Variants in DGKD observed in about 807,000 individuals in gnomAD.
The protein encoded by DGKD is diacylglycerol kinase delta.
DGKD carries 68 observed loss-of-function variants against 154.4 expected under a neutral mutation model. The ratio of observed to expected loss-of-function variants is 0.44; its 90% CI spans 0.36 to 0.54. The LOEUF (loss-of-function observed/expected upper bound fraction) is 0.54. DGKD is among the 20% of genes least tolerant of loss of function. DGKD has a pLI of 0.00. For missense variants in DGKD, 1,343 were observed against 1,593.6 expected (o/e 0.84, Z 2.68); for synonymous variants, 693 against 638.0 (o/e 1.09, Z -1.30).
In DGKD at chr2:233,459,702, T is replaced by C. The variant is rs2063563103; in HGVS notation, c.2695-55T>C. ...GGTCATGGTGGTGCTGATAGCACTTTTAAACCCCTGGGGGTTTTGGCTCAG... is the reference window on the plus strand; with the variant it reads ...GGTCATGGTGGTGCTGATAGCACTTCTAAACCCCTGGGGGTTTTGGCTCAG... On this transcript the variant is annotated intron_variant, in intron 22 of 29. Transcript: ENST00000264057. The surrounding 1 kb of genome is among the most constrained non-coding windows in gnomAD (Gnocchi z 5.7). The C allele has an allele frequency of 1.9e-6, 3 of 1,588,862 alleles. No individual in the cohort carries two copies. The highest frequency in any genetic ancestry group is 1.1e-5 in the South Asian group (1 of 87,430).
At chr2:233,418,314 G>C (rs1374687069) in intron 3 of DGKD, among the ~76,000 whole-genome samples, 2 of 152,150 alleles carry the variant, frequency 1.3e-5, no homozygotes, top group African/African-American at 4.8e-5. Flanking sequence ...CTCTACATCT[G>C]GGGTGCCTTT....
chr2:233,377,479 T>A (rs1702640521), intron 1 of DGKD, among the ~76,000 whole-genome samples: 1 of 152,204 alleles, frequency 6.6e-6, no homozygotes, highest in African/African-American at 2.4e-5. Flanking sequence ...TCTTCCACAA[T>A]CCTTGTATAG....
rs573948248 is a variant in DGKD, at chr2:233,430,127, G to A, written c.349-4253G>A. ...AAGCAAGCATTTTCCTAACACTGTT[G>A]GTGAGAATGCAAAATGGTACAACCC... On this transcript the variant is annotated intron_variant, in intron 3 of 29. Coordinates refer to ENST00000264057, the MANE Select transcript of DGKD (RefSeq NM_152879.3). Among the ~76,000 whole-genome samples, 131 of 152,298 alleles carry A rather than the reference G, an allele frequency of 8.6e-4. 1 individual carries two copies. The highest frequency in any genetic ancestry group is 1.5e-3 in the Non-Finnish European group (103 of 68,026).
At position 233,457,578 on chromosome 2, in the gene DGKD, G is replaced by A. The variant is rs376686571; in HGVS notation, c.2580+250G>A. 1.1e-4 allele frequency: 68 copies of A among 613,286 alleles called. No homozygotes were observed. The East Asian group carries it at 1.7e-3, about 15-fold the overall frequency. 38.0% of individuals were successfully genotyped at this position (613,286 alleles called of 1,614,324 possible). ...AGCAGATGTGGTCAGCGGGTGTGAC[G>A]TGGAAGGAGGGTCAGGGAAGGTGTC... On this transcript the variant is annotated intron_variant, in intron 21 of 29. Transcript: ENST00000264057. This position sits in a 1 kb window ranked among gnomAD's most constrained non-coding sequence, Gnocchi z 5.5.
At chr2:233,357,682 A>G (rs922358468) in intron 1 of DGKD, among the ~76,000 whole-genome samples, 2 of 152,040 alleles carry the variant, frequency 1.3e-5, no homozygotes, top group South Asian at 4.2e-4. Flanking sequence ...GACTACAGGC[A>G]AATGCCACCA....
chr2:233,404,659 C>G (rs751882773), intron 3 of DGKD, among the ~76,000 whole-genome samples: 27 of 151,970 alleles, frequency 1.8e-4, no homozygotes, highest in African/African-American at 4.8e-4. Context: ...CCTCCAGAAT[C>G]TCTAGAGGAT....
intron 1 of DGKD, among the ~76,000 whole-genome samples, chr2:233,365,496 C>T (rs557196947): frequency 3.9e-5 from 6 of 152,248 alleles, no homozygotes; most frequent in Admixed American, 2.6e-4. Context: ...CCACCTGCCT[C>T]GGCCTCCTGA....
In DGKD at chr2:233,438,172, T is replaced by C. The variant is rs750498937; in HGVS notation, c.923-45T>C. 2.3e-5 allele frequency: 37 copies of C among 1,599,400 alleles called. No individual in the cohort carries two copies. Among genetic ancestry groups the C allele is most frequent in the Non-Finnish European group, 2.7e-5 (32 of 1,171,330 alleles). On this transcript the variant is annotated intron_variant, in intron 8 of 29. Coordinates refer to ENST00000264057, the MANE Select transcript of DGKD (RefSeq NM_152879.3). This position sits in a 1 kb window ranked among gnomAD's most constrained non-coding sequence, Gnocchi z 4.1. ...GATTCCATCAGTGGTGCCCTCAGCG[T>C]CTTCCGTGGCCTATATATTTTCTTC...
chr2:233,434,604 T>G, intron 4 of DGKD, 120 bp downstream of exon 4: 1 of 1,429,632 alleles, frequency 7.0e-7, no homozygotes, highest in South Asian at 1.2e-5. Context: ...CTTAGCATGT[T>G]CTTTATACAA....
At position 233,448,047 on chromosome 2, in the gene DGKD, C is replaced by T. The variant is rs1259234716; in HGVS notation, c.1420-40C>T. ...CTGGGACTGTCATGGAGCTTGCTGT[C>T]ACAGAGACCAACAGTCCTGGCCATT... On this transcript the variant is annotated intron_variant, in intron 12 of 29. Transcript: ENST00000264057. 4 of 1,612,238 alleles carry T rather than the reference C, an allele frequency of 2.5e-6. 1 individual carries two copies. The South Asian group carries it at 4.4e-5, about 18-fold the overall frequency.
Position 233,447,867 on chromosome 2 carries a change from A to G in DGKD, c.1420-220A>G, listed in dbSNP as rs558889858. ...GGAGATTCATTTGCAGTTTGCCTGC[A>G]GCTTGACGAAGCTTTTAAAATCTCT... On this transcript the variant is annotated intron_variant, in intron 12 of 29. Transcript: ENST00000264057. 5.1e-6 allele frequency: 7 copies of G among 1,382,806 alleles called. No individual in the cohort carries two copies. In the South Asian group the frequency reaches 6.2e-5, roughly 12 times the overall value. 85.7% of individuals were successfully genotyped at this position (1,382,806 alleles called of 1,614,324 possible). A position where few individuals can be genotyped will look rare whatever the true frequency, so the allele number is the denominator to read the frequency against.
chr2:233,386,283 G>T, intron 1 of DGKD: 1 of 285,330 alleles, frequency 3.5e-6, no homozygotes, highest in Non-Finnish European at 7.0e-6. Context: ...AACAGAGAAA[G>T]GGTCTCGTGG....
At chr2:233,386,297 A>T (rs1703175638) in intron 1 of DGKD, 2 of 274,944 alleles carry the variant, frequency 7.3e-6, no homozygotes, top group Middle Eastern at 1.4e-3. Context: ...CTCGTGGTAT[A>T]TGTTTCAGGC....
intron 3 of DGKD, among the ~76,000 whole-genome samples, chr2:233,428,864 G>A (rs934911212): frequency 5.4e-5 from 8 of 147,750 alleles, no homozygotes; most frequent in Admixed American, 1.3e-4. Flanking sequence ...GCACAAATAA[G>A]AGGTTTTTTT....
At chr2:233,462,287 A>G in intron 24 of DGKD, 61 bp from the exon 25 acceptor site, 1 of 1,385,804 alleles carries the variant, frequency 7.2e-7, no homozygotes, top group East Asian at 2.3e-5. Context: ...TCAGATGCGT[A>G]TTGTGAAAGG....
chr2:233,438,890 G>A lies in DGKD; in HGVS notation c.1085+511G>A, dbSNP rs1221126294. On this transcript the variant is annotated intron_variant, in intron 9 of 29. Coordinates refer to ENST00000264057, the MANE Select transcript of DGKD (RefSeq NM_152879.3). This position sits in a 1 kb window ranked among gnomAD's most constrained non-coding sequence, Gnocchi z 4.1. ...ATTGAGGAAGAAGCTGTCCTGCAGC[G>A]AGGCCAGGAGGAGTGTTTGCTGAGA... Among the ~76,000 whole-genome samples, 2 of 152,098 alleles carry A rather than the reference G, an allele frequency of 1.3e-5. No homozygotes were observed. Among genetic ancestry groups the A allele is most frequent in the Non-Finnish European group, 1.5e-5 (1 of 68,030 alleles).
At chr2:233,419,293 C>T in intron 3 of DGKD, 1 of 985,558 alleles carries the variant, frequency 1.0e-6, no homozygotes, top group Non-Finnish European at 1.2e-6. Context: ...TCCAGCGTTC[C>T]TGCTCTACTT....
At position 233,394,251 on chromosome 2, in the gene DGKD, T is replaced by C. The variant is rs908759038; in HGVS notation, c.348+3768T>C. Among the ~76,000 whole-genome samples, 11 of 152,344 alleles carry C rather than the reference T, an allele frequency of 7.2e-5. No homozygotes were observed. In the Middle Eastern group the frequency reaches 0.01, roughly 141 times the overall value. ...ATTAATAAAGTAGTAGCTTTTTTTT[T>C]CTTCTTTCCTAGACAAGGTCTTGCT... On this transcript the variant is annotated intron_variant, in intron 3 of 29. Coordinates refer to ENST00000264057, the MANE Select transcript of DGKD (RefSeq NM_152879.3).
At chr2:233,368,741 G>A (rs972967339) in intron 1 of DGKD, among the ~76,000 whole-genome samples, 1 of 152,054 alleles carries the variant, frequency 6.6e-6, no homozygotes, top group Non-Finnish European at 1.5e-5. Context: ...TTTATTCAGT[G>A]TTTTACAATC....
Sources: allele counts gnomAD v4.1 joint callset (sites outside exome capture counted in the v4.1 genomes callset), GRCh38; gene constraint gnomAD v4.1.1; non-coding constraint Gnocchi (gnomAD v3.1); transcripts MANE v1.5; gene names NCBI Gene and HGNC (gene_info 2026-07-23, HGNC 2026-07-21).